The following ABCA13 variants were observed in gnomAD, a reference collection of about 807,000 sequenced individuals.
ABCA13 encodes the protein ATP-binding cassette sub-family A member 13.
A neutral mutation model predicts 478.7 loss-of-function variants in ABCA13; 476 were observed. The ratio of observed to expected loss-of-function variants is 0.99; its 90% confidence interval spans 0.92 to 1.07. The LOEUF is 1.07. Among genes scored for constraint, ABCA13 ranks in the 50% least tolerant of loss-of-function variants. ABCA13 has a pLI of 0.00. For synonymous variants in ABCA13, 2,252 were observed against 2,158.9 expected, an observed-to-expected ratio of 1.04 and a Z score of -1.20; for missense variants, 6,060 against 5,910.6, an observed-to-expected ratio of 1.03 and a Z score of -0.83.
At position 48,272,634 on chromosome 7, in the gene ABCA13, C is replaced by T. The variant is rs1795771833; in HGVS notation, c.2968C>T (p.Gln990Ter). Residue 990 changes from glutamine to a stop codon, truncating the protein, a stop_gained, in exon 17 of 62, where the codon CAA (glutamine) becomes TAA (stop). Coordinates refer to ENST00000435803, the MANE Select transcript of ABCA13 (RefSeq NM_152701.5). LOFTEE classifies it high-confidence loss of function. ...AGGCTCTTCGTTGACTTTCCTTACA[C>T]AAATCTCAAAACACATTTTGGATAT... is the stretch of plus-strand genomic sequence containing the variant. ...SRGSSLTFLTQISKHILDIIK... is the reference protein window; with the variant it reads ...SRGSSLTFLT The T allele has an allele frequency of 6.2e-7, 1 of 1,612,940 alleles. No individual in the cohort carries two copies. Among genetic ancestry groups the T allele is most frequent in the African/African-American group, 1.3e-5 (1 of 74,874 alleles).
At chr7:48,536,192 A>G (rs1833567738) in intron 55 of ABCA13, among the ~76,000 whole-genome samples, 1 of 152,196 alleles carries the variant, frequency 6.6e-6, no homozygotes, top group African/African-American at 2.4e-5. Flanking sequence ...TGCTTTCCTT[A>G]GAACTATCAA....
At chr7:48,602,010 A>G (rs1790943765) in intron 58 of ABCA13, among the ~76,000 whole-genome samples, 1 of 152,238 alleles carries the variant, frequency 6.6e-6, no homozygotes, top group Admixed American at 6.5e-5. Context: ...TGTTGGCTGC[A>G]TAAATGTTTT....
At position 48,410,585 on chromosome 7, in the gene ABCA13, G is replaced by C; in HGVS notation, c.12136G>C (p.Val4046Leu). 5 of 1,614,010 alleles carry C rather than the reference G, an allele frequency of 3.1e-6. No homozygotes were observed. Among genetic ancestry groups the C allele is most frequent in the African/African-American group, 1.3e-5 (1 of 75,068 alleles). Residue 4046 changes from valine (V) to leucine (L), a missense_variant, in exon 40 of 62, where the codon GTC (valine) becomes CTC (leucine). Around this residue, in one of 3 missense-constraint regions of ABCA13, gnomAD observed 1,627 missense variants for 1,571.0 expected, o/e 1.04. Coordinates refer to ENST00000435803, the MANE Select transcript of ABCA13 (RefSeq NM_152701.5). Reference sequence around the variant, plus strand: ...TGAAGCGCTGAGTGACCGCGTGGCCGTCCTCCAGCATGGGAGGCTCAGGTG... The same window carrying C: ...TGAAGCGCTGAGTGACCGCGTGGCCCTCCTCCAGCATGGGAGGCTCAGGTG... The part of the protein sequence containing the change: ...EAEALSDRVA[V>L]LQHGRLRCCG...
intron 57 of ABCA13, among the ~76,000 whole-genome samples, chr7:48,593,527 C>A (rs1789977813): frequency 6.6e-6 from 1 of 151,848 alleles, no homozygotes; most frequent in South Asian, 2.1e-4. Context: ...CTGAATATTA[C>A]CATTATAAGT....
chr7:48,511,704 AG>A lies in ABCA13; in HGVS notation c.13640+506del, dbSNP rs935527080. On this transcript the variant is annotated intron_variant, in intron 51 of 61. Transcript: ENST00000435803. The stretch of plus-strand genomic sequence containing the variant: ...TATGAATTTCTGATTTATGCATGCT[AG>A]TCAGGATCATTGCTAGTGGCCTCAA... Among the ~76,000 whole-genome samples the A allele has an allele frequency of 1.2e-4, 18 of 152,284 alleles. No individual in the cohort carries two copies. The East Asian group carries it at 3.5e-3, about 29-fold the overall frequency.
At chr7:48,454,125 T>A (rs1825364796) in intron 42 of ABCA13, among the ~76,000 whole-genome samples, 1 of 152,212 alleles carries the variant, frequency 6.6e-6, no homozygotes, top group Admixed American at 6.5e-5. Context: ...TGTGAAATAC[T>A]TCATATTGGA....
At chr7:48,229,703 C>G in intron 6 of ABCA13, 122 bp from the exon 7 acceptor site, 1 of 1,152,064 alleles carries the variant, frequency 8.7e-7, no homozygotes, top group Non-Finnish European at 1.3e-6. Context: ...TGTAAATGGT[C>G]CAGCCACATC....
intron 55 of ABCA13, among the ~76,000 whole-genome samples, chr7:48,553,165 A>T (rs921336266): frequency 6.6e-6 from 1 of 152,232 alleles, no homozygotes; most frequent in East Asian, 1.9e-4. Flanking sequence ...ATGGCTGAAT[A>T]GCACTCCACT....
intron 44 of ABCA13, among the ~76,000 whole-genome samples, chr7:48,470,706 A>G (rs1827392471): frequency 6.6e-6 from 1 of 152,234 alleles, no homozygotes; most frequent in Admixed American, 6.5e-5. Flanking sequence ...AATTGGTGTT[A>G]TCATACTGGC....
At position 48,412,456 on chromosome 7, in the gene ABCA13, AG is replaced by A. The variant is rs750752298; in HGVS notation, c.12333del (p.Glu4111AspfsTer2). ...TTTCTCAAAGACAGCAGTGGAAGTG[AG>A]CTGACCTACACCATTCCAAAGGACA... ...QAFLKDSSGSELTYTIPKDTD... is the reference protein window; with the variant it reads ...QAFLKDSSGSXLTYTIPKDTD... On this transcript the variant is annotated frameshift_variant, in exon 41 of 62. Coordinates refer to ENST00000435803, the MANE Select transcript of ABCA13 (RefSeq NM_152701.5). LOFTEE classifies it high-confidence loss of function. The A allele has an allele frequency of 5.6e-6, 9 of 1,613,276 alleles. No homozygotes were observed. In the African/African-American group the frequency reaches 1.2e-4, roughly 22 times the overall value.
At chr7:48,587,539 A>G (rs1365921500) in intron 57 of ABCA13, among the ~76,000 whole-genome samples, 1 of 152,210 alleles carries the variant, frequency 6.6e-6, no homozygotes, top group African/African-American at 2.4e-5. Context: ...TAACATTAAA[A>G]CAGTGTTTTA....
rs1191345679 is a variant in ABCA13, at chr7:48,239,549, AT to A, written c.1062+146del. 14 of 958,212 alleles carry A rather than the reference AT, an allele frequency of 1.5e-5. No individual in the cohort carries two copies. In the East Asian group the frequency reaches 3.2e-4, roughly 22 times the overall value. The allele number at this position is 958,212 out of a possible 1,614,324, so 59.4% of individuals were successfully genotyped here. ...GCCTTAGGAGCCCCACATCCTGGCCATTGAGTGCACCTTGTCCCATGTGCAT... is the reference window on the plus strand; with the variant it reads ...GCCTTAGGAGCCCCACATCCTGGCCATGAGTGCACCTTGTCCCATGTGCAT... On this transcript the variant is annotated intron_variant, in intron 9 of 61. Transcript: ENST00000435803.
intron 20 of ABCA13, among the ~76,000 whole-genome samples, chr7:48,294,601 C>A (rs1341112863): frequency 6.6e-6 from 1 of 151,474 alleles, no homozygotes; most frequent in African/African-American, 2.4e-5. Flanking sequence ...CGCCCGCCAC[C>A]GCGCCCGGCT....
At chr7:48,318,142 T>A (rs531122361) in intron 27 of ABCA13, among the ~76,000 whole-genome samples, 3 of 152,218 alleles carry the variant, frequency 2.0e-5, no homozygotes, top group Admixed American at 1.3e-4. Context: ...TGGCATGGGA[T>A]CATATGAGCA....
intron 55 of ABCA13, among the ~76,000 whole-genome samples, chr7:48,554,276 T>TATTTTTGCTTAGGATAGCTTTGTC (rs1563429855): frequency 6.6e-6 from 1 of 152,072 alleles, no homozygotes; most frequent in Non-Finnish European, 1.5e-5. Context: ...CTAGTTTTGT[T>TATTTTTGCTTAGGATAGCTTTGTC]CTTTTTGCTT....
intron 12 of ABCA13, 25 bp downstream of exon 12, chr7:48,245,637 A>C: frequency 1.3e-6 from 2 of 1,586,664 alleles, no homozygotes; most frequent in Admixed American, 1.8e-5. Context: ...ATAATTATAA[A>C]TAAGCATTTT....
chr7:48,575,280 T>G (rs1255052651), intron 55 of ABCA13, among the ~76,000 whole-genome samples: 2 of 152,116 alleles, frequency 1.3e-5, no homozygotes, highest in African/African-American at 4.8e-5. Flanking sequence ...AAATTATACA[T>G]GGATATTTTT....
In ABCA13 at chr7:48,352,460, C is replaced by G. The variant is rs1036089266; in HGVS notation, c.10661C>G (p.Ala3554Gly). ...GAACCAGCAGCACAGACTCAGGCGG[C>G]CCCTTACCCCTGCCATACCAGCGAC... ...ALEPAAQTQA[A>G]PYPCHTSDLF... Residue 3554 changes from alanine (A) to glycine (G), a missense_variant, in exon 31 of 62, where the codon GCC becomes GGC. By Grantham distance (60) the Ala-to-Gly change is moderately conservative. This residue lies in a region of ABCA13 where 4,423 missense variants were observed against 4,309.1 expected (regional missense o/e 1.03). Coordinates refer to ENST00000435803, the MANE Select transcript of ABCA13 (RefSeq NM_152701.5). 2 of 1,608,446 alleles carry G rather than the reference C, an allele frequency of 1.2e-6. 1 individual carries two copies. Among genetic ancestry groups the G allele is most frequent in the African/African-American group, 2.7e-5 (2 of 74,512 alleles).
At chr7:48,298,589 CT>C in intron 23 of ABCA13, 102 bp downstream of exon 23, 4 of 1,394,440 alleles carry the variant, frequency 2.9e-6, no homozygotes, top group Non-Finnish European at 3.8e-6. Context: ...CCTTCCTCTC[CT>C]TTGGCTAGTG....
Sources: gnomAD v4.1 joint callset for allele counts (sites outside exome capture counted in the v4.1 genomes callset) on GRCh38, gnomAD v4.1.1 for gene constraint, gnomAD v4.1.1 regional missense constraint, MANE v1.5 for transcripts, NCBI Gene and HGNC (gene_info 2026-07-23, HGNC 2026-07-21) for gene names.